ABHD12: variants seen among roughly 807,000 people sequenced by gnomAD.
ABHD12 encodes the protein abhydrolase domain containing 12, lysophospholipase.
Under a neutral mutation model 58.3 loss-of-function variants are expected in ABHD12, and 43 were observed. The observed-to-expected ratio is 0.74, with a 90% CI of 0.58 to 0.95. ABHD12 has a LOEUF of 0.95. Ranked by LOEUF, ABHD12 falls within the 40% of genes least tolerant of loss-of-function variation. The probability of loss-of-function intolerance (pLI) is 0.00; values close to 1 mark genes in which losing one functional copy is unlikely to be tolerated. For synonymous variants in ABHD12, 219 were observed against 211.2 expected (o/e 1.04, Z -0.32); for missense variants, 539 against 537.2 (o/e 1.00, Z -0.03).
chr20:25,295,268 C>G (rs1440277528), downstream of ABHD12, among the ~76,000 whole-genome samples: 1 of 152,250 alleles, frequency 6.6e-6, no homozygotes, highest in Non-Finnish European at 1.5e-5. Context: ...GCCATGGGCT[C>G]TCCACTGTCT....
chr20:25,372,730 C>T (rs2089914162), intron 1 of ABHD12, among the ~76,000 whole-genome samples: 1 of 152,142 alleles, frequency 6.6e-6, no homozygotes, highest in African/African-American at 2.4e-5. Context: ...TAAAAAATTC[C>T]TATTGCCTAA....
chr20:25,298,855 T>C (rs2088591097), downstream of ABHD12, among the ~76,000 whole-genome samples: 2 of 151,898 alleles, frequency 1.3e-5, no homozygotes, highest in African/African-American at 4.8e-5. Context: ...CGTGCAGGGG[T>C]TGGTGCTGCC....
chr20:25,388,352 C>A (rs1423837396), intron 1 of ABHD12, among the ~76,000 whole-genome samples: 1 of 152,182 alleles, frequency 6.6e-6, no homozygotes, highest in African/African-American at 2.4e-5. Flanking sequence ...ACTGGAGATA[C>A]TTAAGTGGAG....
rs1048204037 is a variant in ABHD12, at chr20:25,339,407, G to C, written c.192-56C>G. 17 of 1,612,278 alleles carry C rather than the reference G, an allele frequency of 1.1e-5. No individual in the cohort carries two copies. In the Admixed American group the frequency reaches 2.2e-4, roughly 21 times the overall value. On this transcript the variant is annotated intron_variant, in intron 1 of 12. Transcript: ENST00000339157. ...AGGCAGTAGGTGCCATTTTGCTGTA[G>C]TTTGTTAATAGTGTTATCAAAATCC...
At chr20:25,329,392 T>G (rs2089230072) in intron 2 of ABHD12, among the ~76,000 whole-genome samples, 1 of 152,228 alleles carries the variant, frequency 6.6e-6, no homozygotes, top group Non-Finnish European at 1.5e-5. Context: ...CTGCTGGGAC[T>G]GAGGCCTCTG....
chr20:25,316,967 C>A (rs2088973797), intron 5 of ABHD12, 81 bp downstream of exon 5: 2 of 1,265,022 alleles, frequency 1.6e-6, no homozygotes, highest in African/African-American at 2.9e-5. Flanking sequence ...AACTCTCAAG[C>A]TGTGAGTCTG....
chr20:25,295,749 C>G, downstream of ABHD12: 1 of 1,454,790 alleles, frequency 6.9e-7, no homozygotes, highest in South Asian at 1.1e-5. Context: ...TGTTTATTTC[C>G]CAAGCTGAGT....
intron 1 of ABHD12, among the ~76,000 whole-genome samples, chr20:25,361,941 C>T (rs1448578221): frequency 3.3e-5 from 5 of 151,048 alleles, no homozygotes; most frequent in Non-Finnish European, 7.4e-5. Context: ...GGGGACAGAG[C>T]GACACTCCGT....
Position 25,326,880 on chromosome 20 carries a change from A to G in ABHD12, c.317-3450T>C, listed in dbSNP as rs113049728. Among the ~76,000 whole-genome samples the G allele has an allele frequency of 7.2e-3, 1,094 of 152,276 alleles. 5 individuals carry two copies. Among genetic ancestry groups the G allele is most frequent in the Middle Eastern group, 0.02 (6 of 294 alleles). Reference sequence around the variant, plus strand: ...AATGCATTCCAATTTTTACTTTTAAAATTGGGAATTGCACTCCTTACCTTA... The same window carrying G: ...AATGCATTCCAATTTTTACTTTTAAGATTGGGAATTGCACTCCTTACCTTA... On this transcript the variant is annotated intron_variant, in intron 2 of 12. Transcript: ENST00000339157.
chr20:25,361,256 A>C (rs1369977097), intron 1 of ABHD12, among the ~76,000 whole-genome samples: 1 of 152,230 alleles, frequency 6.6e-6, no homozygotes, highest in Non-Finnish European at 1.5e-5. Flanking sequence ...CCCAGCCAGA[A>C]CTGCATGAAA....
intron 1 of ABHD12, 34 bp downstream of exon 1, chr20:25,390,473 ACCGGCC>A (rs1375587547): frequency 1.2e-6 from 1 of 843,610 alleles, no homozygotes; most frequent in Admixed American, 5.5e-5. Context: ...AAAGTGAGGG[ACCGGCC>A]CCCCCCCCCC....
intron 1 of ABHD12, among the ~76,000 whole-genome samples, chr20:25,370,223 G>T (rs1429534740): frequency 2.0e-5 from 3 of 152,122 alleles, no homozygotes; most frequent in Non-Finnish European, 4.4e-5. Flanking sequence ...GATTACTGGG[G>T]TACACAGGTC....
intron 2 of ABHD12, among the ~76,000 whole-genome samples, chr20:25,324,731 C>T (rs745878243): frequency 6.6e-6 from 1 of 152,262 alleles, no homozygotes; most frequent in Non-Finnish European, 1.5e-5. Context: ...ACTCCCTGAG[C>T]GTCTGTCCCA....
chr20:25,341,024 A>T (rs1429921550), intron 1 of ABHD12, among the ~76,000 whole-genome samples: 1 of 152,234 alleles, frequency 6.6e-6, no homozygotes, highest in Non-Finnish European at 1.5e-5. Context: ...TAAGTTAATA[A>T]AGCTGACAAA....
At chr20:25,299,406 A>G (rs914059545), downstream of ABHD12, among the ~76,000 whole-genome samples, 4 of 152,110 alleles carry the variant, frequency 2.6e-5, no homozygotes, top group Non-Finnish European at 5.9e-5. Context: ...TCAAAAAAAC[A>G]AAAAACCCAC....
chr20:25,373,862 T>C (rs1327464418), intron 1 of ABHD12, among the ~76,000 whole-genome samples: 1 of 152,182 alleles, frequency 6.6e-6, no homozygotes, highest in African/African-American at 2.4e-5. Flanking sequence ...TTTCTCCTCT[T>C]CTTTGAGGAC....
chr20:25,364,315 A>G (rs1165852868), intron 1 of ABHD12, among the ~76,000 whole-genome samples: 1 of 152,250 alleles, frequency 6.6e-6, no homozygotes, highest in Non-Finnish European at 1.5e-5. Context: ...TAATTTATAA[A>G]GAAAAGAGGT....
intron 1 of ABHD12, among the ~76,000 whole-genome samples, chr20:25,373,438 T>C (rs1487132114): frequency 1.3e-5 from 2 of 152,008 alleles, no homozygotes; most frequent in Non-Finnish European, 1.5e-5. Flanking sequence ...TCCTGGCTAC[T>C]TGGGGGGCTG....
chr20:25,315,220 C>T (rs1482219109), intron 5 of ABHD12, among the ~76,000 whole-genome samples: 3 of 152,076 alleles, frequency 2.0e-5, no homozygotes, highest in Non-Finnish European at 4.4e-5. Flanking sequence ...CCTGCTTAGA[C>T]GCTAGGGGGC....
Sources: allele counts gnomAD v4.1 joint callset (sites outside exome capture counted in the v4.1 genomes callset), GRCh38; gene constraint gnomAD v4.1.1; transcripts MANE v1.5; gene names NCBI Gene and HGNC (gene_info 2026-07-23, HGNC 2026-07-21).